ZNF608: variants seen among roughly 807,000 people sequenced by gnomAD.
ZNF608 encodes zinc finger protein 608.
Under a neutral mutation model 109.0 loss-of-function variants are expected in ZNF608, and 12 were observed. The observed-to-expected ratio is 0.11, with a 90% CI of 0.07 to 0.18. The LOEUF (loss-of-function observed/expected upper bound fraction) is 0.18, where lower values mean the gene tolerates loss of function less well. Ranked by LOEUF, ZNF608 falls within the 10% of genes least tolerant of loss-of-function variation. The pLI, the probability that ZNF608 is intolerant of heterozygous loss-of-function variation, is 1.00. For synonymous variants in ZNF608, 732 were observed against 717.4 expected (o/e 1.02, Z -0.33); for missense variants, 1,707 against 1,879.3 (o/e 0.91, Z 1.70).
intron 1 of ZNF608, chr5:124,745,448 G>C (rs1749605630): frequency 6.5e-6 from 1 of 154,360 alleles, no homozygotes; most frequent in Non-Finnish European, 1.4e-5. Context: ...ATTATCTTAA[G>C]GATCTGATTC....
At chr5:124,671,932 C>T (rs1751745454) in intron 3 of ZNF608, among the ~76,000 whole-genome samples, 1 of 152,146 alleles carries the variant, frequency 6.6e-6, no homozygotes, top group Non-Finnish European at 1.5e-5. Flanking sequence ...GCCATTGTGT[C>T]CAGCCCCCTT....
intron 3 of ZNF608, among the ~76,000 whole-genome samples, chr5:124,662,579 T>A (rs1374091173): frequency 3.3e-5 from 5 of 152,236 alleles, no homozygotes; most frequent in African/African-American, 1.2e-4. Flanking sequence ...GAAGTTAGGG[T>A]TAAGTCCAAG....
At chr5:124,745,234 A>C in intron 1 of ZNF608, 62 bp from the exon 2 acceptor site, 1 of 1,350,658 alleles carries the variant, frequency 7.4e-7, no homozygotes, top group Non-Finnish European at 9.5e-7. Flanking sequence ...ATAAAAAACG[A>C]TTAGTATTGG....
At chr5:124,718,296 G>T (rs970617003) in intron 2 of ZNF608, among the ~76,000 whole-genome samples, 1 of 152,114 alleles carries the variant, frequency 6.6e-6, no homozygotes, top group African/African-American at 2.4e-5. Flanking sequence ...TTTCACATGC[G>T]TTAAAAAGTC....
intron 2 of ZNF608, among the ~76,000 whole-genome samples, chr5:124,736,019 T>A (rs1298877076): frequency 6.6e-6 from 1 of 151,198 alleles, no homozygotes; most frequent in Non-Finnish European, 1.5e-5. Context: ...GGAAGTAGTT[T>A]CCTCTGTGTT....
At chr5:124,712,235 G>A (rs558819020) in intron 2 of ZNF608, among the ~76,000 whole-genome samples, 49 of 152,270 alleles carry the variant, frequency 3.2e-4, no homozygotes, top group Non-Finnish European at 4.6e-4. Flanking sequence ...GATCAGACTC[G>A]GGAAGGTGGC....
Position 124,662,114 on chromosome 5 carries a change from C to G in ZNF608, c.1163-12417G>C, listed in dbSNP as rs556744661. Among the ~76,000 whole-genome samples, 14 of 152,296 alleles carry G rather than the reference C, an allele frequency of 9.2e-5. No individual in the cohort carries two copies. The East Asian group carries it at 2.7e-3, about 29-fold the overall frequency. On this transcript the variant is annotated intron_variant, in intron 3 of 9. Transcript: ENST00000513986. Reference sequence around the variant, plus strand: ...ATTTCACTGATCAATTCTGAAACTCCTGAAATTTGGCTCCAAATGTTAACT... The same window carrying G: ...ATTTCACTGATCAATTCTGAAACTCGTGAAATTTGGCTCCAAATGTTAACT...
intron 3 of ZNF608, among the ~76,000 whole-genome samples, chr5:124,679,310 A>G (rs1422966982): frequency 6.6e-6 from 1 of 152,120 alleles, no homozygotes; most frequent in Non-Finnish European, 1.5e-5. Flanking sequence ...GATTGTTTTC[A>G]GTCAGGTTGA....
Position 124,649,627 on chromosome 5 carries a change from G to C in ZNF608, c.1233C>G (p.His411Gln), listed in dbSNP as rs61752317. The C allele has an allele frequency of 1.9e-6, 3 of 1,611,900 alleles. No homozygotes were observed. The East Asian group carries it at 6.7e-5, about 36-fold the overall frequency. Residue 411 changes from histidine (H) to glutamine (Q), a missense_variant, in exon 4 of 10, where the codon CAC becomes CAG. Physicochemically the swap from His to Gln is conservative, Grantham distance 24 (BLOSUM62 0). Coordinates refer to ENST00000513986, the MANE Select transcript of ZNF608 (RefSeq NM_020747.3). Reference sequence around the variant, plus strand: ...GTTCATACCTGGGAGGGGCCCAGTCGTGCTTGGTGCAGTCCAGTAGGGTTC... The same window carrying C: ...GTTCATACCTGGGAGGGGCCCAGTCCTGCTTGGTGCAGTCCAGTAGGGTTC... The part of the protein sequence containing the change: ...YVGTLLDCTK[H>Q]DWAPPRFCES...
chr5:124,693,974 C>G lies in ZNF608; in HGVS notation c.1162+7040G>C, dbSNP rs78323564. Among the ~76,000 whole-genome samples the G allele has an allele frequency of 7.5e-4, 46 of 60,968 alleles. 4 individuals are homozygous for G. The highest frequency in any genetic ancestry group is 3.2e-3 in the African/African-American group (42 of 13,222). The allele number at this position is 60,968 out of a possible 152,430, so 40.0% of individuals were successfully genotyped here. Reference sequence around the variant, plus strand: ...GTGAAGCTGGTAACATTTCATTAATCTTTTTTTTTTTTTTTTTTTGAGAGA... The same window carrying G: ...GTGAAGCTGGTAACATTTCATTAATGTTTTTTTTTTTTTTTTTTTGAGAGA... On this transcript the variant is annotated intron_variant, in intron 3 of 9. Transcript: ENST00000513986.
chr5:124,724,185 T>C (rs1209050845), intron 2 of ZNF608, among the ~76,000 whole-genome samples: 1 of 152,144 alleles, frequency 6.6e-6, no homozygotes, highest in Non-Finnish European at 1.5e-5. Context: ...TTCTTTAATA[T>C]GCTGTGATTT....
intron 3 of ZNF608, among the ~76,000 whole-genome samples, chr5:124,657,105 T>C (rs1379745828): frequency 2.0e-5 from 3 of 152,228 alleles, no homozygotes; most frequent in Non-Finnish European, 4.4e-5. Context: ...AGCTGCTTTT[T>C]TCTTGCTTCC....
Position 124,744,007 on chromosome 5 carries a change from C to G in ZNF608, c.906+77G>C, listed in dbSNP as rs946270659. The G allele has an allele frequency of 6.6e-7, 1 of 1,513,064 alleles. No individual in the cohort carries two copies. The highest frequency in any genetic ancestry group is 8.8e-7 in the Non-Finnish European group (1 of 1,130,822). 93.7% of individuals were successfully genotyped at this position (1,513,064 alleles called of 1,614,324 possible). A position where few individuals can be genotyped will look rare whatever the true frequency, so the allele number is the denominator to read the frequency against. On this transcript the variant is annotated intron_variant, in intron 2 of 9. Transcript: ENST00000513986. This position sits in a 1 kb window ranked among gnomAD's most constrained non-coding sequence, Gnocchi z 4.5. ...CAGAAAGCATAAAGTGTAAGGCACA[C>G]AGAGGCACACCCCCACACACCCACA...
chr5:124,656,249 C>T (rs1751001867), intron 3 of ZNF608, among the ~76,000 whole-genome samples: 1 of 152,006 alleles, frequency 6.6e-6, no homozygotes, highest in Admixed American at 6.6e-5. Flanking sequence ...CCTAGTGTGC[C>T]GCCACCCCAG....
intron 9 of ZNF608, among the ~76,000 whole-genome samples, chr5:124,638,276 A>C (rs1440589584): frequency 6.8e-6 from 1 of 148,066 alleles, no homozygotes; most frequent in Non-Finnish European, 1.5e-5. Context: ...TTTAGTTTTG[A>C]GACAGAGTCT....
intron 2 of ZNF608, among the ~76,000 whole-genome samples, chr5:124,712,714 A>G (rs368501899): frequency 9.1e-4 from 138 of 152,246 alleles, no homozygotes; most frequent in African/African-American, 2.7e-3. Flanking sequence ...CCCTCCAGCT[A>G]CCAGAAGAAC....
intron 3 of ZNF608, among the ~76,000 whole-genome samples, chr5:124,695,582 T>A (rs1288860873): frequency 6.6e-6 from 1 of 151,706 alleles, no homozygotes; most frequent in African/African-American, 2.4e-5. Context: ...ATGGGCAACA[T>A]GGCAAAACCT....
intron 2 of ZNF608, among the ~76,000 whole-genome samples, chr5:124,709,572 C>A (rs537930565): frequency 9.2e-5 from 14 of 152,266 alleles, no homozygotes; most frequent in Admixed American, 3.3e-4. Flanking sequence ...TCTTTTCTAC[C>A]ACACCACATC....
At chr5:124,666,037 G>A (rs79925198) in intron 3 of ZNF608, among the ~76,000 whole-genome samples, 5 of 152,324 alleles carry the variant, frequency 3.3e-5, no homozygotes, top group African/African-American at 7.2e-5. Context: ...ACGTTTGTGC[G>A]TACTAGGTTG....
Sources: gnomAD v4.1 joint callset for allele counts (sites outside exome capture counted in the v4.1 genomes callset) on GRCh38, gnomAD v4.1.1 for gene constraint, Gnocchi (gnomAD v3.1) non-coding constraint, MANE v1.5 for transcripts, NCBI Gene and HGNC (gene_info 2026-07-23, HGNC 2026-07-21) for gene names.